Variants in NTM observed in about 807,000 individuals in gnomAD.
NTM encodes the protein neurotrimin.
In NTM, 13 loss-of-function variants were observed where a neutral mutation model predicts 42.1. The observed-to-expected ratio is 0.31, with a 90% CI of 0.20 to 0.49. The LOEUF is 0.49. NTM is among the 20% of genes least tolerant of loss of function. The pLI, the probability that NTM is intolerant of heterozygous loss-of-function variation, is 0.99. For synonymous variants in NTM, 187 were observed against 179.2 expected (o/e 1.04, Z -0.35); for missense variants, 373 against 452.8 (o/e 0.82, Z 1.60).
intron 1 of NTM, among the ~76,000 whole-genome samples, chr11:131,388,723 G>C (rs1297442887): frequency 6.6e-6 from 1 of 151,940 alleles, no homozygotes; most frequent in Admixed American, 6.6e-5. Context: ...GGAGAAAGAT[G>C]GTGGTTGGCC....
chr11:131,825,348 T>A (rs573733628), intron 1 of NTM, among the ~76,000 whole-genome samples: 19 of 151,460 alleles, frequency 1.3e-4, no homozygotes, highest in Non-Finnish European at 2.6e-4. Context: ...CATTCTGAGA[T>A]ATTAGGGGTT....
intron 3 of NTM, among the ~76,000 whole-genome samples, chr11:132,155,129 G>A (rs535036650): frequency 5.9e-5 from 9 of 152,158 alleles, no homozygotes; most frequent in Non-Finnish European, 1.0e-4. Flanking sequence ...CTCCGTTGGG[G>A]ATTTAATAGC....
intron 2 of NTM, among the ~76,000 whole-genome samples, chr11:132,029,692 G>T (rs2075673267): frequency 6.6e-6 from 1 of 152,034 alleles, no homozygotes; most frequent in Admixed American, 6.5e-5. Flanking sequence ...TGAAAAAGTG[G>T]GAAATAGAGT....
At chr11:131,872,084 A>G (rs1000088391) in intron 1 of NTM, among the ~76,000 whole-genome samples, 2 of 152,154 alleles carry the variant, frequency 1.3e-5, no homozygotes, top group Admixed American at 1.3e-4. Flanking sequence ...AGTGCCTCTA[A>G]GACATCTTAT....
chr11:131,502,111 C>G (rs773009716), intron 1 of NTM, among the ~76,000 whole-genome samples: 1 of 151,974 alleles, frequency 6.6e-6, no homozygotes, highest in Non-Finnish European at 1.5e-5. Flanking sequence ...GGAGACAGGG[C>G]GTGCTGCTGA....
At chr11:131,444,834 A>C (rs1004354104) in intron 1 of NTM, among the ~76,000 whole-genome samples, 16 of 152,314 alleles carry the variant, frequency 1.1e-4, no homozygotes, top group Admixed American at 1.3e-4. Flanking sequence ...AAGATGTAAG[A>C]GAAGGTTATA....
In NTM at chr11:131,928,307, C is replaced by T. The variant is rs188437016; in HGVS notation, c.167+16659C>T. Among the ~76,000 whole-genome samples the T allele has an allele frequency of 2.8e-3, 426 of 152,274 alleles. 1 individual carries two copies. The highest frequency in any genetic ancestry group is 9.9e-3 in the African/African-American group (412 of 41,552). ...ATTACATTAAGACAAGATATAAATTCTTAAGGATTGTACCTGGCATATATG... is the reference window on the plus strand; with the variant it reads ...ATTACATTAAGACAAGATATAAATTTTTAAGGATTGTACCTGGCATATATG... On this transcript the variant is annotated intron_variant, in intron 2 of 8. Coordinates refer to ENST00000683400, the MANE Select transcript of NTM (RefSeq NM_001352005.2).
chr11:131,960,122 C>A (rs1335350297), intron 2 of NTM, among the ~76,000 whole-genome samples: 2 of 152,182 alleles, frequency 1.3e-5, no homozygotes, highest in Non-Finnish European at 2.9e-5. Flanking sequence ...GTGAGCACCT[C>A]TGAGCGTAAA....
chr11:132,291,965 T>G (rs2094462358), intron 4 of NTM, among the ~76,000 whole-genome samples: 1 of 152,140 alleles, frequency 6.6e-6, no homozygotes. Flanking sequence ...ACAACTGTTC[T>G]GAGAAGCTTG....
intron 1 of NTM, among the ~76,000 whole-genome samples, chr11:131,840,647 T>A (rs1213644110): frequency 1.3e-5 from 2 of 152,194 alleles, no homozygotes; most frequent in African/African-American, 4.8e-5. Flanking sequence ...AAAAGAGGTA[T>A]ATTTTAAAGA....
chr11:132,299,137 T>TA lies in NTM; in HGVS notation c.527-8544dup, dbSNP rs561277816. Among the ~76,000 whole-genome samples, 20 of 137,094 alleles carry TA rather than the reference T, an allele frequency of 1.5e-4. No homozygotes were observed. The South Asian group carries it at 1.6e-3, about 11-fold the overall frequency. 89.9% of individuals were successfully genotyped at this position (137,094 alleles called of 152,430 possible). On this transcript the variant is annotated intron_variant, in intron 4 of 8. Transcript: ENST00000683400. ...AATGAAACCCCGTCTCTACTGAAAA[T>TA]AAAAAAAATTAGCTGGGCGTGGTGG...
At chr11:131,832,377 G>GA (rs201163866) in intron 1 of NTM, among the ~76,000 whole-genome samples, 70 of 150,570 alleles carry the variant, frequency 4.6e-4, no homozygotes, top group East Asian at 3.1e-3. Flanking sequence ...TCACTTTTAA[G>GA]AAAAAAAAAC....
intron 8 of NTM, among the ~76,000 whole-genome samples, chr11:132,332,053 G>T (rs1416724906): frequency 6.6e-6 from 1 of 152,174 alleles, no homozygotes; most frequent in Non-Finnish European, 1.5e-5. Context: ...GATCATGATC[G>T]ATTTGGGGTA....
intron 2 of NTM, among the ~76,000 whole-genome samples, chr11:132,122,181 T>C (rs1470265065): frequency 6.6e-6 from 1 of 152,222 alleles, no homozygotes; most frequent in East Asian, 1.9e-4. Flanking sequence ...ACAGGGCTTC[T>C]CTTTGGGAAG....
chr11:131,841,364 T>A (rs2044218934), intron 1 of NTM, among the ~76,000 whole-genome samples: 1 of 152,158 alleles, frequency 6.6e-6, no homozygotes, highest in Non-Finnish European at 1.5e-5. Flanking sequence ...AATAAACATT[T>A]ATTAAATGTT....
chr11:132,325,533 A>G (rs1312151004), intron 7 of NTM, among the ~76,000 whole-genome samples: 1 of 151,974 alleles, frequency 6.6e-6, no homozygotes, highest in Non-Finnish European at 1.5e-5. Context: ...GCTGGAGAGG[A>G]TGTGGAGAAA....
chr11:132,215,127 T>C (rs561383933), intron 4 of NTM, among the ~76,000 whole-genome samples: 1 of 152,220 alleles, frequency 6.6e-6, no homozygotes, highest in Admixed American at 6.5e-5. Context: ...TTGGTGTTCC[T>C]TGGAGAAGAA....
chr11:131,807,032 A>G (rs2092528650), intron 1 of NTM, among the ~76,000 whole-genome samples: 1 of 152,220 alleles, frequency 6.6e-6, no homozygotes, highest in Non-Finnish European at 1.5e-5. Context: ...TTCATGGGAA[A>G]AGCGTTTTAG....
intron 1 of NTM, among the ~76,000 whole-genome samples, chr11:131,840,956 T>C (rs961917751): frequency 2.6e-5 from 4 of 152,172 alleles, no homozygotes; most frequent in African/African-American, 9.7e-5. Context: ...AGGAGTGAGA[T>C]GGTGAATGAA....
Sources: gnomAD v4.1 joint callset for allele counts (sites outside exome capture counted in the v4.1 genomes callset) on GRCh38, gnomAD v4.1.1 for gene constraint, MANE v1.5 for transcripts, NCBI Gene and HGNC (gene_info 2026-07-23, HGNC 2026-07-21) for gene names.